DPP6: variants seen among roughly 807,000 people sequenced by gnomAD.
DPP6 encodes A-type potassium channel modulatory protein DPP6.
Under a neutral mutation model 122.6 loss-of-function variants are expected in DPP6, and 69 were observed. The observed-to-expected ratio is 0.56, with a 90% CI of 0.46 to 0.69. DPP6 has a LOEUF of 0.69. DPP6 is among the 30% of genes least tolerant of loss of function. The pLI, the probability that DPP6 is intolerant of heterozygous loss-of-function variation, is 0.00. For synonymous variants in DPP6, 418 were observed against 433.1 expected (o/e 0.97, Z 0.43); for missense variants, 928 against 1,116.9 (o/e 0.83, Z 2.41).
intron 1 of DPP6, among the ~76,000 whole-genome samples, chr7:154,225,747 C>G (rs568004235): frequency 1.3e-5 from 2 of 152,240 alleles, no homozygotes; most frequent in Middle Eastern, 6.8e-3. Flanking sequence ...ACTAACTTTT[C>G]TAAAGTTACT....
intron 1 of DPP6, among the ~76,000 whole-genome samples, chr7:154,445,463 C>A (rs551041623): frequency 2.0e-5 from 3 of 152,256 alleles, no homozygotes; most frequent in Admixed American, 6.5e-5. Context: ...GCAGCCAGTA[C>A]GCGTGATGAA....
At chr7:154,465,249 GA>G (rs1821680954) in intron 2 of DPP6, among the ~76,000 whole-genome samples, 1 of 152,170 alleles carries the variant, frequency 6.6e-6, no homozygotes, top group Admixed American at 6.5e-5. Context: ...ACACACAGTT[GA>G]AAAATTTTTG....
chr7:154,306,268 G>A (rs1279684175), intron 1 of DPP6, among the ~76,000 whole-genome samples: 1 of 152,194 alleles, frequency 6.6e-6, no homozygotes, highest in East Asian at 1.9e-4. Flanking sequence ...GAGGCCCAAG[G>A]GGTGAGGGAG....
chr7:153,795,874 T>C, the DPP6 span, among the ~76,000 whole-genome samples: 58,380 of 140,660 alleles, frequency 0.42, 12,614 homozygotes, highest in South Asian at 0.5. Context: ...CTTTGAAATA[T>C]AGATTATTTA....
At position 154,887,754 on chromosome 7, in the gene DPP6, G is replaced by C; in HGVS notation, c.2304+20G>C. The C allele has an allele frequency of 3.7e-6, 6 of 1,613,412 alleles. No homozygotes were observed. The highest frequency in any genetic ancestry group is 2.7e-5 in the African/African-American group (2 of 75,048). On this transcript the variant is annotated intron_variant, in intron 23 of 25. Transcript: ENST00000377770. ...TACGAGGTGTGTATGGGCACAACTA[G>C]AGAATGTGATGAGACCAGTCAGCCT... is the stretch of plus-strand genomic sequence containing the variant.
chr7:153,770,220 T>G, the DPP6 span, among the ~76,000 whole-genome samples: 4 of 152,058 alleles, frequency 2.6e-5, no homozygotes, highest in Non-Finnish European at 5.9e-5. Context: ...GAATACTCAT[T>G]GCAACTGGTG....
chr7:154,300,557 A>C (rs1374238631), intron 1 of DPP6, among the ~76,000 whole-genome samples: 1 of 152,214 alleles, frequency 6.6e-6, no homozygotes, highest in Non-Finnish European at 1.5e-5. Context: ...GAGACGTCTT[A>C]AACTTGTTTG....
intron 1 of DPP6, among the ~76,000 whole-genome samples, chr7:154,012,556 A>G (rs905179369): frequency 1.8e-4 from 27 of 152,266 alleles, no homozygotes; most frequent in African/African-American, 6.3e-4. Context: ...CACTTTTGCA[A>G]ATTGAATATC....
At chr7:154,678,258 G>T (rs1458804432) in intron 7 of DPP6, among the ~76,000 whole-genome samples, 1 of 152,208 alleles carries the variant, frequency 6.6e-6, no homozygotes, top group African/African-American at 2.4e-5. Context: ...CGCAGCTCGG[G>T]TTCCCTTCCA....
At chr7:154,550,872 T>A (rs1829582475) in intron 4 of DPP6, among the ~76,000 whole-genome samples, 1 of 151,350 alleles carries the variant, frequency 6.6e-6, no homozygotes, top group African/African-American at 2.4e-5. Context: ...GGCCTCAGCC[T>A]CCTAAATAGC....
At chr7:154,129,466 GA>G (rs1808198649) in intron 1 of DPP6, among the ~76,000 whole-genome samples, 2 of 152,152 alleles carry the variant, frequency 1.3e-5, no homozygotes, top group South Asian at 2.1e-4. Context: ...TTAACCTTTT[GA>G]AAACATAGAC....
At position 154,795,794 on chromosome 7, in the gene DPP6, AAAG is replaced by A. The variant is rs1563219371; in HGVS notation, c.1261-48_1261-46del. ...CAGACACAATACATGCAAAAAAAAA[AAAG>A]AAAAGAAAAGAAAAACCCTCTTGTC... On this transcript the variant is annotated intron_variant, in intron 11 of 25. Coordinates refer to ENST00000377770, the MANE Select transcript of DPP6 (RefSeq NM_130797.4). 8.0e-4 allele frequency: 684 copies of A among 851,392 alleles called. 6 individuals are homozygous for A. The highest frequency in any genetic ancestry group is 2.1e-3 in the East Asian group (48 of 22,440). The allele number at this position is 851,392 out of a possible 1,614,324, so 52.7% of individuals were successfully genotyped here.
In DPP6 at chr7:153,919,402, A is replaced by C. The variant is rs556143879; in HGVS notation, c.51+31668A>C. On this transcript the variant is annotated intron_variant, in intron 1 of 25. Transcript: ENST00000404039. Reference sequence around the variant, plus strand: ...TGAAGGAAAGCTGGTTCCAGGAGGAACCCAGGCTCATTCTTGGCCTCATGC... The same window carrying C: ...TGAAGGAAAGCTGGTTCCAGGAGGACCCCAGGCTCATTCTTGGCCTCATGC... Among the ~76,000 whole-genome samples the C allele has an allele frequency of 2.0e-5, 3 of 152,286 alleles. No homozygotes were observed. The South Asian group carries it at 6.2e-4, about 32-fold the overall frequency.
chr7:154,274,828 AT>A (rs1446250235), intron 1 of DPP6, among the ~76,000 whole-genome samples: 1 of 152,178 alleles, frequency 6.6e-6, no homozygotes, highest in African/African-American at 2.4e-5. Flanking sequence ...TTTCTCTTGT[AT>A]TTCACAATGA....
chr7:154,299,418 G>T (rs1029346879), intron 1 of DPP6, among the ~76,000 whole-genome samples: 1 of 152,248 alleles, frequency 6.6e-6, no homozygotes, highest in Non-Finnish European at 1.5e-5. Context: ...CGCAGTGGTC[G>T]ACTGTCGGAA....
chr7:153,756,553 A>T, the DPP6 span, among the ~76,000 whole-genome samples: 1 of 152,266 alleles, frequency 6.6e-6, no homozygotes, highest in East Asian at 1.9e-4. Flanking sequence ...CTTCACTAAC[A>T]CTTGCTGTTA....
At chr7:154,148,395 G>T (rs1796227647) in intron 1 of DPP6, among the ~76,000 whole-genome samples, 1 of 151,308 alleles carries the variant, frequency 6.6e-6, no homozygotes, top group African/African-American at 2.4e-5. Context: ...GGCAGAGCCT[G>T]CCCTGAGGGA....
intron 16 of DPP6, among the ~76,000 whole-genome samples, chr7:154,826,240 G>T (rs4960554): frequency 0.053 from 8,083 of 152,214 alleles, 670 homozygotes; most frequent in African/African-American, 0.18. Context: ...TAACTGTTGA[G>T]AAAAGAAATG....
At chr7:154,201,253 G>C (rs1244687116) in intron 1 of DPP6, among the ~76,000 whole-genome samples, 1 of 152,112 alleles carries the variant, frequency 6.6e-6, no homozygotes, top group Middle Eastern at 3.4e-3. Flanking sequence ...TCAGCCTGCC[G>C]AGTAGCTGGG....
Sources: gnomAD v4.1 joint callset for allele counts (sites outside exome capture counted in the v4.1 genomes callset) on GRCh38, gnomAD v4.1.1 for gene constraint, MANE v1.5 for transcripts, NCBI Gene and HGNC (gene_info 2026-07-23, HGNC 2026-07-21) for gene names.